PLCXD3: variants seen among roughly 807,000 people sequenced by gnomAD.
PLCXD3 encodes the protein phosphatidylinositol specific phospholipase C X domain containing 3.
A neutral mutation model predicts 25.5 loss-of-function variants in PLCXD3; 19 were observed. The observed-to-expected ratio is 0.75, with a 90% CI of 0.52 to 1.09. The LOEUF (loss-of-function observed/expected upper bound fraction) is 1.09, where lower values mean the gene tolerates loss of function less well. Among genes scored for constraint, PLCXD3 ranks in the 50% least tolerant of loss-of-function variants. The probability of loss-of-function intolerance (pLI) is 0.00; values close to 1 mark genes in which losing one functional copy is unlikely to be tolerated. For synonymous variants in PLCXD3, 174 were observed against 137.6 expected (o/e 1.26, Z -1.85); for missense variants, 411 against 388.1 (o/e 1.06, Z -0.50).
intron 1 of PLCXD3, chr5:41,456,595 C>A: frequency 1.2e-6 from 1 of 853,338 alleles, no homozygotes; most frequent in Non-Finnish European, 1.4e-6. Flanking sequence ...CCCTGACACT[C>A]CAAATTCATA....
intron 1 of PLCXD3, among the ~76,000 whole-genome samples, chr5:41,400,068 C>G (rs1261149746): frequency 6.6e-6 from 1 of 152,054 alleles, no homozygotes; most frequent in Non-Finnish European, 1.5e-5. Flanking sequence ...CATACAAAGA[C>G]AAACAGGCAT....
chr5:41,316,831 G>C (rs1743310459), intron 2 of PLCXD3, among the ~76,000 whole-genome samples: 1 of 152,184 alleles, frequency 6.6e-6, no homozygotes, highest in Non-Finnish European at 1.5e-5. Context: ...TGCCAGTTCA[G>C]CTGCAATGTA....
chr5:41,500,552 T>C (rs755940285), intron 1 of PLCXD3, among the ~76,000 whole-genome samples: 1 of 145,974 alleles, frequency 6.9e-6, no homozygotes, highest in Non-Finnish European at 1.5e-5. Context: ...CCCCTAAACA[T>C]ATATATTATA....
At chr5:41,498,785 A>T (rs910668677) in intron 1 of PLCXD3, among the ~76,000 whole-genome samples, 4 of 151,844 alleles carry the variant, frequency 2.6e-5, no homozygotes, top group African/African-American at 9.7e-5. Context: ...GTTCAACAGC[A>T]CATTAGAAGA....
At chr5:41,494,177 G>T (rs999638078) in intron 1 of PLCXD3, among the ~76,000 whole-genome samples, 1 of 152,162 alleles carries the variant, frequency 6.6e-6, no homozygotes, top group Non-Finnish European at 1.5e-5. Context: ...GAGCTCACTG[G>T]AGCCTTGAAC....
chr5:41,486,304 G>A (rs550511510), intron 1 of PLCXD3, among the ~76,000 whole-genome samples: 38 of 151,984 alleles, frequency 2.5e-4, no homozygotes, highest in Admixed American at 2.0e-3. Context: ...AAAACTCTTG[G>A]TGGTCATCGT....
At chr5:41,341,222 T>G (rs1229777764) in intron 2 of PLCXD3, among the ~76,000 whole-genome samples, 1 of 152,150 alleles carries the variant, frequency 6.6e-6, no homozygotes, top group Non-Finnish European at 1.5e-5. Context: ...TAATGGAGTA[T>G]GTATGGAAGA....
intron 1 of PLCXD3, among the ~76,000 whole-genome samples, chr5:41,471,698 T>C (rs1748161101): frequency 6.6e-6 from 1 of 152,196 alleles, no homozygotes; most frequent in South Asian, 2.1e-4. Flanking sequence ...ACTGTAACTC[T>C]GGTTGGTAAA....
At position 41,314,907 on chromosome 5, in the gene PLCXD3, A is replaced by T. The variant is rs1025860779; in HGVS notation, c.813-1137T>A. On this transcript the variant is annotated intron_variant, in intron 2 of 2. Coordinates refer to ENST00000377801, the MANE Select transcript of PLCXD3 (RefSeq NM_001005473.3). ...AGATCATAGTGGAGAGTCACTTAGCATAGCCTGGAAAATCAAGGAAAGTCT... is the reference window on the plus strand; with the variant it reads ...AGATCATAGTGGAGAGTCACTTAGCTTAGCCTGGAAAATCAAGGAAAGTCT... Among the ~76,000 whole-genome samples the T allele has an allele frequency of 2.6e-5, 4 of 152,174 alleles. No individual in the cohort carries two copies. In the South Asian group the frequency reaches 8.3e-4, roughly 32 times the overall value.
At position 41,327,368 on chromosome 5, in the gene PLCXD3, G is replaced by C. The variant is rs978511666; in HGVS notation, c.813-13598C>G. On this transcript the variant is annotated intron_variant, in intron 2 of 2. Coordinates refer to ENST00000377801, the MANE Select transcript of PLCXD3 (RefSeq NM_001005473.3). ...TGACTTTATATGCAAATAAAGGTTT[G>C]TCCAATTAAAGAAATTTTTAAAAAA... 2.6e-5 allele frequency among the ~76,000 whole-genome samples: 4 copies of C among 152,100 alleles called. No individual in the cohort carries two copies. In the South Asian group the frequency reaches 8.3e-4, roughly 32 times the overall value.
At chr5:41,387,202 C>A (rs1017604635) in intron 1 of PLCXD3, among the ~76,000 whole-genome samples, 1 of 152,046 alleles carries the variant, frequency 6.6e-6, no homozygotes, top group Non-Finnish European at 1.5e-5. Context: ...GAGGTCTGAG[C>A]TCCTACAACT....
chr5:41,470,166 C>A (rs1748118048), intron 1 of PLCXD3, among the ~76,000 whole-genome samples: 1 of 152,076 alleles, frequency 6.6e-6, no homozygotes, highest in Admixed American at 6.6e-5. Flanking sequence ...CCTTCCCAAA[C>A]AAAGGGGGGT....
chr5:41,359,011 G>A (rs765683996), intron 2 of PLCXD3, among the ~76,000 whole-genome samples: 57 of 151,986 alleles, frequency 3.8e-4, no homozygotes, highest in African/African-American at 8.7e-4. Flanking sequence ...TTTATGTGGC[G>A]TATCACATTT....
At chr5:41,464,816 T>G (rs1747973889) in intron 1 of PLCXD3, among the ~76,000 whole-genome samples, 1 of 152,032 alleles carries the variant, frequency 6.6e-6, no homozygotes, top group Non-Finnish European at 1.5e-5. Context: ...GAATCTATCT[T>G]CCAAATCTCC....
intron 2 of PLCXD3, among the ~76,000 whole-genome samples, chr5:41,339,536 T>A (rs1744079292): frequency 1.3e-5 from 2 of 152,254 alleles, no homozygotes; most frequent in Middle Eastern, 6.8e-3. Context: ...AGTCTGTACT[T>A]ATCAAATACA....
chr5:41,318,677 A>G (rs1743371071), intron 2 of PLCXD3, among the ~76,000 whole-genome samples: 1 of 152,156 alleles, frequency 6.6e-6, no homozygotes, highest in African/African-American at 2.4e-5. Context: ...GAAGGAAAGA[A>G]AAAAGGAAGA....
chr5:41,477,680 TA>T lies in PLCXD3; in HGVS notation c.103+32743del, dbSNP rs145414772. Among the ~76,000 whole-genome samples, 420 of 148,804 alleles carry T rather than the reference TA, an allele frequency of 2.8e-3. 2 individuals are homozygous for T. The highest frequency in any genetic ancestry group is 7.2e-3 in the African/African-American group (290 of 40,520). On this transcript the variant is annotated intron_variant, in intron 1 of 2. Transcript: ENST00000377801. ...TTGCAGTTTGCTTCCAAAAAAAAAT[TA>T]AAAAAAAAACCTCATCTGGGCATTA...
At chr5:41,392,705 A>G (rs80193516) in intron 1 of PLCXD3, among the ~76,000 whole-genome samples, 627 of 152,330 alleles carry the variant, frequency 4.1e-3, no homozygotes, top group Non-Finnish European at 7.4e-3. Flanking sequence ...ACCTCACCAA[A>G]TTAACTAAAT....
intron 1 of PLCXD3, among the ~76,000 whole-genome samples, chr5:41,448,659 GT>G: frequency 6.6e-6 from 1 of 152,176 alleles, no homozygotes; most frequent in East Asian, 1.9e-4. Flanking sequence ...AATCATACAA[GT>G]TTTGAGTCAT....
Sources: gnomAD v4.1 joint callset for allele counts (sites outside exome capture counted in the v4.1 genomes callset) on GRCh38, gnomAD v4.1.1 for gene constraint, MANE v1.5 for transcripts, NCBI Gene and HGNC (gene_info 2026-07-23, HGNC 2026-07-21) for gene names.